The following PRPF6 variants were observed in gnomAD, a reference collection of about 807,000 sequenced individuals.
PRPF6 encodes pre-mRNA-processing factor 6.
Under a neutral mutation model 118.3 loss-of-function variants are expected in PRPF6, and 42 were observed. That is an observed-to-expected ratio of 0.35 (90% CI 0.28 to 0.46). PRPF6 has a LOEUF of 0.46. PRPF6 is among the 20% of genes least tolerant of loss of function. PRPF6 has a pLI of 1.00. For synonymous variants in PRPF6, 481 were observed against 485.1 expected (o/e 0.99, Z 0.11); for missense variants, 662 against 1,255.7 (o/e 0.53, Z 7.15).
intron 19 of PRPF6, among the ~76,000 whole-genome samples, chr20:64,031,672 C>CAAAAAAAAAAAAAAA (rs568394576): frequency 1.3e-5 from 1 of 75,876 alleles, no homozygotes; most frequent in African/African-American, 3.9e-5. Flanking sequence ...GACTCCTTCT[C>CAAAAAAAAAAAAAAA]AAAAAAAAAA....
In PRPF6 at chr20:64,028,337, G is replaced by A; in HGVS notation, c.2340-141G>A. ...GCCCCAGCGCCTTGTTTCTGTGGTG[G>A]ATGAGCTCTGCTGTGGAGGGAATGG... is the stretch of plus-strand genomic sequence containing the variant. On this transcript the variant is annotated intron_variant, in intron 17 of 20. Transcript: ENST00000266079. This position sits in a 1 kb window ranked among gnomAD's most constrained non-coding sequence, Gnocchi z 6.5. 2 of 853,760 alleles carry A rather than the reference G, an allele frequency of 2.3e-6. No homozygotes were observed. The highest frequency in any genetic ancestry group is 3.8e-6 in the Non-Finnish European group (2 of 527,182). The allele number at this position is 853,760 out of a possible 1,614,324, so 52.9% of individuals were successfully genotyped here.
At chr20:64,001,324 G>C (rs1417180920) in intron 9 of PRPF6, 85 bp downstream of exon 9, 2 of 1,502,678 alleles carry the variant, frequency 1.3e-6, no homozygotes, top group African/African-American at 2.8e-5. Flanking sequence ...CAGGCTTTTG[G>C]TGAGAGTGGA....
chr20:64,030,912 C>T (rs1463536543), intron 19 of PRPF6, among the ~76,000 whole-genome samples: 1 of 152,240 alleles, frequency 6.6e-6, no homozygotes, highest in African/African-American at 2.4e-5. Flanking sequence ...TACGGTGCCT[C>T]TGGCTCCAGG....
intron 10 of PRPF6, among the ~76,000 whole-genome samples, chr20:64,010,987 G>A (rs1344363281): frequency 6.6e-5 from 10 of 152,174 alleles, no homozygotes; most frequent in Admixed American, 5.2e-4. Context: ...CATCCTGCTC[G>A]TCTGTGCCAG....
intron 9 of PRPF6, among the ~76,000 whole-genome samples, chr20:64,004,948 A>G (rs1363189410): frequency 6.6e-6 from 1 of 152,226 alleles, no homozygotes; most frequent in Non-Finnish European, 1.5e-5. Flanking sequence ...CTGGGGGCAC[A>G]GGAATGGCAC....
intron 9 of PRPF6, among the ~76,000 whole-genome samples, chr20:64,008,896 C>T (rs1400644084): frequency 1.3e-5 from 2 of 152,186 alleles, no homozygotes; most frequent in Admixed American, 6.5e-5. Flanking sequence ...GACCTTCAGA[C>T]TCTCTGATCA....
chr20:64,017,278 T>G (rs1418738635), intron 12 of PRPF6, among the ~76,000 whole-genome samples: 1 of 94,280 alleles, frequency 1.1e-5, no homozygotes, highest in Non-Finnish European at 2.1e-5. Flanking sequence ...TGAGCCGCCA[T>G]GCCTGGCCTC....
Position 63,984,898 on chromosome 20 carries a change from G to A in PRPF6, c.241-9G>A, listed in dbSNP as rs1316739336. On this transcript the variant is annotated splice_polypyrimidine_tract_variant and intron_variant, in intron 2 of 20. Coordinates refer to ENST00000266079, the MANE Select transcript of PRPF6 (RefSeq NM_012469.4). Reference sequence around the variant, plus strand: ...AAGCTGACCTCTACACGTGTTGTTTGCTTCTCAGTTTAATGGCTATGCTGG... The same window carrying A: ...AAGCTGACCTCTACACGTGTTGTTTACTTCTCAGTTTAATGGCTATGCTGG... 1 of 1,602,804 alleles carries A rather than the reference G, an allele frequency of 6.2e-7. No homozygotes were observed. The highest frequency in any genetic ancestry group is 8.5e-7 in the Non-Finnish European group (1 of 1,170,426).
chr20:63,986,637 C>T lies in PRPF6; in HGVS notation c.359+1612C>T, dbSNP rs1370282751. 5.3e-5 allele frequency among the ~76,000 whole-genome samples: 8 copies of T among 151,210 alleles called. No homozygotes were observed. The East Asian group carries it at 6.2e-4, about 12-fold the overall frequency. On this transcript the variant is annotated intron_variant, in intron 3 of 20. Transcript: ENST00000266079. ...CTGAGTAGCTGGGACTACAGTTGCCCGCCACCACGCCTGGCTAATTTTTTG... is the reference window on the plus strand; with the variant it reads ...CTGAGTAGCTGGGACTACAGTTGCCTGCCACCACGCCTGGCTAATTTTTTG...
rs765989068 is a variant in PRPF6, at chr20:63,981,336, G to T, written c.71+20G>T. ...CCGGGGGTGAGGCCTGGGGCGGCGC[G>T]CGAGGGGCGGGGACCCGGCTACAGG... is the stretch of plus-strand genomic sequence containing the variant. On this transcript the variant is annotated intron_variant, in intron 1 of 20. Transcript: ENST00000266079. The T allele has an allele frequency of 6.4e-7, 1 of 1,565,366 alleles. No homozygotes were observed. The highest frequency in any genetic ancestry group is 8.7e-7 in the Non-Finnish European group (1 of 1,154,728).
rs781620324 is a variant in PRPF6 at position 64,011,536 on chromosome 20, T to C, written c.1524+33T>C. 3.8e-6 allele frequency: 6 copies of C among 1,591,000 alleles called. No homozygotes were observed. The highest frequency in any genetic ancestry group is 5.1e-6 in the Non-Finnish European group (6 of 1,168,886). On this transcript the variant is annotated intron_variant, in intron 11 of 20. Coordinates refer to ENST00000266079, the MANE Select transcript of PRPF6 (RefSeq NM_012469.4). This position sits in a 1 kb window ranked among gnomAD's most constrained non-coding sequence, Gnocchi z 6.7. The stretch of plus-strand genomic sequence containing the variant: ...GCAGGCGGGTGTCGTGGTGTCTGCT[T>C]TAACAGTGCACATGCAGCACGTGAG...
intron 6 of PRPF6, among the ~76,000 whole-genome samples, chr20:63,995,959 T>A (rs1471842516): frequency 2.0e-5 from 3 of 152,120 alleles, no homozygotes; most frequent in Non-Finnish European, 4.4e-5. Flanking sequence ...ACTTGGCCTT[T>A]TTTTAAAATA....
chr20:64,022,974 G>A, intron 13 of PRPF6, 96 bp downstream of exon 13: 1 of 1,587,216 alleles, frequency 6.3e-7, no homozygotes, highest in South Asian at 1.1e-5. Context: ...TGCTCATCCA[G>A]TCTTGTGCCC....
intron 11 of PRPF6, among the ~76,000 whole-genome samples, chr20:64,012,954 A>AC (rs1441968412): frequency 9.0e-6 from 1 of 111,608 alleles, no homozygotes; most frequent in Non-Finnish European, 1.9e-5. Flanking sequence ...TCTCCCCCAC[A>AC]CCCTTTTTTT....
chr20:64,027,289 C>A lies in PRPF6; in HGVS notation c.2205+131C>A. On this transcript the variant is annotated intron_variant, in intron 16 of 20. Coordinates refer to ENST00000266079, the MANE Select transcript of PRPF6 (RefSeq NM_012469.4). This position sits in a 1 kb window ranked among gnomAD's most constrained non-coding sequence, Gnocchi z 6.5. The stretch of plus-strand genomic sequence containing the variant: ...CTGGGGGTTACAGCTGATGGAGCTG[C>A]AGACTCAGGACCCAAACCCTGGTCC... 8.0e-7 allele frequency: 1 copy of A among 1,242,322 alleles called. No homozygotes were observed. The highest frequency in any genetic ancestry group is 1.5e-5 in the African/African-American group (1 of 66,958). 77.0% of individuals were successfully genotyped at this position (1,242,322 alleles called of 1,614,324 possible).
intron 9 of PRPF6, among the ~76,000 whole-genome samples, chr20:64,005,210 G>T (rs779009624): frequency 3.3e-5 from 5 of 152,168 alleles, no homozygotes; most frequent in Non-Finnish European, 7.3e-5. Flanking sequence ...TGCCATGCCT[G>T]TGGGCTGCTG....
Position 64,001,182 on chromosome 20 carries a change from A to G in PRPF6, c.1129A>G (p.Ile377Val). Residue 377 changes from isoleucine to valine, a missense_variant, in exon 9 of 21, where the codon ATC becomes GTC. Transcript: ENST00000266079. ...TCTCCCACAGTCTGTCAGGATTTAC[A>G]TCAGAGCCGCAGAGCTGGAAACGGA... ...RHLPQSVRIYIRAAELETDIR... is the reference protein window; with the variant it reads ...RHLPQSVRIYVRAAELETDIR... The G allele has an allele frequency of 6.2e-7, 1 of 1,614,232 alleles. No individual in the cohort carries two copies. The highest frequency in any genetic ancestry group is 8.5e-7 in the Non-Finnish European group (1 of 1,180,034).
chr20:64,009,043 G>A (rs566222879), intron 9 of PRPF6, among the ~76,000 whole-genome samples: 6 of 152,122 alleles, frequency 3.9e-5, no homozygotes, highest in Non-Finnish European at 5.9e-5. Flanking sequence ...CCAGCACTTC[G>A]GGAGGCCGAG....
At chr20:63,999,885 G>T in intron 8 of PRPF6, 126 bp downstream of exon 8, 1 of 1,249,116 alleles carries the variant, frequency 8.0e-7, no homozygotes, top group Non-Finnish European at 1.1e-6. Flanking sequence ...GGCAGGCTGG[G>T]GGAGGATGTG....
Sources: allele counts gnomAD v4.1 joint callset (sites outside exome capture counted in the v4.1 genomes callset), GRCh38; gene constraint gnomAD v4.1.1; non-coding constraint Gnocchi (gnomAD v3.1); transcripts MANE v1.5; gene names NCBI Gene and HGNC (gene_info 2026-07-23, HGNC 2026-07-21).